The following SEM1 variants were observed in gnomAD, a reference collection of about 807,000 sequenced individuals.
The protein encoded by SEM1 is SEM1 26S proteasome subunit, also known as 26S proteasome complex subunit SEM1.
SEM1 carries 3 observed loss-of-function variants against 12.7 expected under a neutral mutation model. That is an observed-to-expected ratio of 0.24 (90% CI 0.11 to 0.61). The LOEUF is 0.61. Among genes scored for constraint, SEM1 ranks in the 20% least tolerant of loss-of-function variants. The pLI, the probability that SEM1 is intolerant of heterozygous loss-of-function variation, is 0.88. For synonymous variants in SEM1, 30 were observed against 27.8 expected, an observed-to-expected ratio of 1.08 and a Z score of -0.25; for missense variants, 59 against 81.3, an observed-to-expected ratio of 0.73 and a Z score of 1.06.
Position 96,652,609 on chromosome 7 carries a change from T to C in SEM1, c.171-29966A>G, listed in dbSNP as rs1348214605. Among the ~76,000 whole-genome samples the C allele has an allele frequency of 2.6e-5, 4 of 152,128 alleles. No individual in the cohort carries two copies. The South Asian group carries it at 6.2e-4, about 24-fold the overall frequency. ...AATTTTTGAAACTTTGAAGGCATAATAGATTTTAGGTATAATACTATTTAA... is the reference window on the plus strand; with the variant it reads ...AATTTTTGAAACTTTGAAGGCATAACAGATTTTAGGTATAATACTATTTAA... On this transcript the variant is annotated intron_variant, in intron 2 of 2. Transcript: ENST00000417009.
intron 2 of SEM1, among the ~76,000 whole-genome samples, chr7:96,580,172 G>A (rs1448497576): frequency 4.3e-5 from 6 of 139,346 alleles, no homozygotes; most frequent in Admixed American, 1.6e-4. Context: ...TCCTGTGTCC[G>A]TGTGTTCTCG....
chr7:96,687,229 G>C (rs576025033), downstream of SEM1, among the ~76,000 whole-genome samples: 1 of 152,108 alleles, frequency 6.6e-6, no homozygotes, highest in African/African-American at 2.4e-5. Flanking sequence ...TCAGTGTGGC[G>C]ATTCCTCAGG....
intron 2 of SEM1, among the ~76,000 whole-genome samples, chr7:96,543,383 C>T (rs1283563618): frequency 1.3e-5 from 2 of 151,780 alleles, no homozygotes; most frequent in Non-Finnish European, 2.9e-5. Context: ...GCAGGGGTTC[C>T]TAGAACCAAT....
chr7:96,490,972 G>C (rs1584699889), intron 1 of SEM1, among the ~76,000 whole-genome samples: 1 of 152,310 alleles, frequency 6.6e-6, no homozygotes, highest in East Asian at 1.9e-4. Context: ...TCTGGTCTCA[G>C]CTCCAGCACA....
chr7:96,695,206 A>G (rs1225912005), intron 1 of SEM1: 3 of 200,824 alleles, frequency 1.5e-5, no homozygotes, highest in East Asian at 2.3e-4. Flanking sequence ...ATCTTTCAAA[A>G]CACAACACCA....
chr7:96,496,768 T>C (rs1211773977), upstream of SEM1, among the ~76,000 whole-genome samples: 1 of 152,190 alleles, frequency 6.6e-6, no homozygotes, highest in Non-Finnish European at 1.5e-5. Flanking sequence ...TCTCACACTT[T>C]GTAGTATATT....
At chr7:96,493,556 C>G (rs965963561) in intron 1 of SEM1, among the ~76,000 whole-genome samples, 1 of 152,144 alleles carries the variant, frequency 6.6e-6, no homozygotes, top group African/African-American at 2.4e-5. Flanking sequence ...CTGTGGATCA[C>G]TCCAACAGCT....
At chr7:96,677,044 T>C (rs899111636) in intron 2 of SEM1, among the ~76,000 whole-genome samples, 1 of 152,196 alleles carries the variant, frequency 6.6e-6, no homozygotes, top group Non-Finnish European at 1.5e-5. Context: ...TTTTTATTAC[T>C]GTCCAGTCAG....
chr7:96,622,499 T>C, downstream of SEM1: 2 of 668,744 alleles, frequency 3.0e-6, no homozygotes. Flanking sequence ...CTTTCTATCT[T>C]CTGCCAAAGT....
intron 2 of SEM1, among the ~76,000 whole-genome samples, chr7:96,660,727 A>ACAT (rs1788977412): frequency 1.3e-5 from 2 of 152,156 alleles, no homozygotes. Flanking sequence ...AATTTAATGA[A>ACAT]CATCTAAGGA....
At chr7:96,609,315 G>A (rs1400531971) in intron 2 of SEM1, among the ~76,000 whole-genome samples, 1 of 152,144 alleles carries the variant, frequency 6.6e-6, no homozygotes, top group Non-Finnish European at 1.5e-5. Context: ...CTAGCATTAA[G>A]GGCAATCATA....
At chr7:96,573,590 T>C (rs1309984629) in intron 2 of SEM1, among the ~76,000 whole-genome samples, 1 of 152,178 alleles carries the variant, frequency 6.6e-6, no homozygotes, top group Admixed American at 6.5e-5. Context: ...TGTTGAATAT[T>C]GGCCCCCCTC....
intron 1 of SEM1, among the ~76,000 whole-genome samples, chr7:96,489,139 T>C (rs754641298): frequency 1.3e-5 from 2 of 152,172 alleles, no homozygotes; most frequent in African/African-American, 2.4e-5. Flanking sequence ...GATGTTGACA[T>C]TTTCAGATGT....
chr7:96,573,213 C>A (rs1806097338), intron 2 of SEM1, among the ~76,000 whole-genome samples: 1 of 151,774 alleles, frequency 6.6e-6, no homozygotes, highest in African/African-American at 2.4e-5. Flanking sequence ...CTGAATATAG[C>A]ACACTGATGG....
At chr7:96,657,179 T>G (rs1809209246) in intron 2 of SEM1, among the ~76,000 whole-genome samples, 1 of 152,294 alleles carries the variant, frequency 6.6e-6, no homozygotes, top group Admixed American at 6.5e-5. Flanking sequence ...CAGTTTTTTG[T>G]TAGATGATTT....
chr7:96,563,514 T>C (rs756907176), intron 2 of SEM1, among the ~76,000 whole-genome samples: 17 of 152,072 alleles, frequency 1.1e-4, no homozygotes, highest in Non-Finnish European at 2.2e-4. Context: ...AATTCAACTA[T>C]ACAGAAGTAC....
At chr7:96,486,090 A>G in intron 2 of SEM1, 2 of 705,090 alleles carry the variant, frequency 2.8e-6, no homozygotes, top group Non-Finnish European at 4.7e-6. Flanking sequence ...ATCACGGTTG[A>G]GTATGTCACA....
chr7:96,517,990 G>A (rs1017247711), intron 2 of SEM1, among the ~76,000 whole-genome samples: 1 of 152,142 alleles, frequency 6.6e-6, no homozygotes, highest in Non-Finnish European at 1.5e-5. Context: ...GTACTTAAGA[G>A]ACAGAAGGCA....
intron 2 of SEM1, among the ~76,000 whole-genome samples, chr7:96,595,813 A>G (rs1806979253): frequency 6.6e-6 from 1 of 152,222 alleles, no homozygotes; most frequent in African/African-American, 2.4e-5. Context: ...AATGAGCTTC[A>G]GACTCATCAT....
Sources: gnomAD v4.1 joint callset for allele counts (sites outside exome capture counted in the v4.1 genomes callset) on GRCh38, gnomAD v4.1.1 for gene constraint, MANE v1.5 for transcripts, NCBI Gene and HGNC (gene_info 2026-07-23, HGNC 2026-07-21) for gene names.